The following EIF3H variants were observed in gnomAD, a reference collection of about 807,000 sequenced individuals.
EIF3H encodes eukaryotic translation initiation factor 3 subunit H, also known as eIF-3-gamma.
A neutral mutation model predicts 44.2 loss-of-function variants in EIF3H; 26 were observed. The ratio of observed to expected loss-of-function variants is 0.59; its 90% confidence interval spans 0.43 to 0.82. The LOEUF (loss-of-function observed/expected upper bound fraction) is 0.82. EIF3H is among the 40% of genes least tolerant of loss of function. The pLI is 0.00. For missense variants in EIF3H, 359 were observed against 432.8 expected, an observed-to-expected ratio of 0.83 and a Z score of 1.51; for synonymous variants, 166 against 151.9, an observed-to-expected ratio of 1.09 and a Z score of -0.68.
intron 2 of EIF3H, among the ~76,000 whole-genome samples, chr8:116,667,861 G>A (rs1415500991): frequency 6.6e-6 from 1 of 152,086 alleles, no homozygotes; most frequent in Non-Finnish European, 1.5e-5. Context: ...GTCTCTCTAG[G>A]CCTTAATTTC....
intron 1 of EIF3H, among the ~76,000 whole-genome samples, chr8:116,750,235 T>C (rs1335790401): frequency 1.3e-5 from 2 of 152,282 alleles, no homozygotes; most frequent in African/African-American, 4.8e-5. Context: ...AGTTAAACTA[T>C]ATGGAGAATT....
intron 2 of EIF3H, among the ~76,000 whole-genome samples, chr8:116,674,929 T>C (rs1040566419): frequency 6.6e-6 from 1 of 152,208 alleles, no homozygotes; most frequent in Non-Finnish European, 1.5e-5. Context: ...TCTCTGCTAC[T>C]ACAGTGAGAC....
chr8:116,745,749 G>A (rs1041103387), intron 1 of EIF3H, among the ~76,000 whole-genome samples: 3 of 152,052 alleles, frequency 2.0e-5, no homozygotes, highest in Non-Finnish European at 4.4e-5. Context: ...TGGCCAACAT[G>A]GCAACACCCC....
At chr8:116,743,800 ACACAC>A (rs1339729373) in intron 1 of EIF3H, among the ~76,000 whole-genome samples, 10,622 of 40,978 alleles carry the variant, frequency 0.26, 533 homozygotes, top group African/African-American at 0.31. Context: ...ATATATATAA[ACACAC>A]ACACACACAC....
chr8:116,753,896 T>C (rs1207934636), intron 1 of EIF3H, among the ~76,000 whole-genome samples: 1 of 152,248 alleles, frequency 6.6e-6, no homozygotes, highest in East Asian at 1.9e-4. Flanking sequence ...CAAAGAGTGC[T>C]GTTGTGACAT....
At position 116,666,753 on chromosome 8, in the gene EIF3H, CAAAAAA is replaced by C. The variant is rs56700266; in HGVS notation, c.290-7779_290-7774del. 2.8e-4 allele frequency among the ~76,000 whole-genome samples: 20 copies of C among 71,446 alleles called. No homozygotes were observed. In the South Asian group the frequency reaches 6.3e-3, roughly 23 times the overall value. 46.9% of individuals were successfully genotyped at this position (71,446 alleles called of 152,430 possible). ...CCAAATGAGAATCTTTAGTGTTAGG[CAAAAAA>C]AAAAAAAAAAAAAAAAATTACACTA... On this transcript the variant is annotated intron_variant, in intron 2 of 7. Transcript: ENST00000521861.
chr8:116,751,117 C>T (rs2130987913), intron 1 of EIF3H, among the ~76,000 whole-genome samples: 1 of 151,686 alleles, frequency 6.6e-6, no homozygotes, highest in Non-Finnish European at 1.5e-5. Context: ...GAGGCTGAGG[C>T]AGGAGAATGG....
chr8:116,653,735 AC>A (rs969161365), intron 5 of EIF3H, among the ~76,000 whole-genome samples: 1 of 152,212 alleles, frequency 6.6e-6, no homozygotes, highest in African/African-American at 2.4e-5. Flanking sequence ...CCTGTGATAC[AC>A]ATTTTTAAAA....
At chr8:116,709,901 T>A (rs192397661) in intron 2 of EIF3H, among the ~76,000 whole-genome samples, 4 of 152,322 alleles carry the variant, frequency 2.6e-5, no homozygotes, top group Admixed American at 2.0e-4. Flanking sequence ...CAGCCATAGG[T>A]ACCAGGACAT....
At position 116,643,586 on chromosome 8, in the gene EIF3H, G is replaced by C. The variant is rs1239309865; in HGVS notation, c.*1420C>G. 1 of 152,120 alleles carries C rather than the reference G, an allele frequency of 6.6e-6. No individual in the cohort carries two copies. The highest frequency in any genetic ancestry group is 1.5e-5 in the Non-Finnish European group (1 of 68,040). 9.4% of individuals were successfully genotyped at this position (152,120 alleles called of 1,614,324 possible). A position where few individuals can be genotyped will look rare whatever the true frequency, so the allele number is the denominator to read the frequency against. Reference sequence around the variant, plus strand: ...CCAACAAACGTCTTCAACACTCACAGCCACCTTGTGAGGTAACAGACCTGC... The same window carrying C: ...CCAACAAACGTCTTCAACACTCACACCCACCTTGTGAGGTAACAGACCTGC... On this transcript the variant is annotated 3_prime_UTR_variant, in exon 8 of 8. Transcript: ENST00000521861.
At chr8:116,695,366 C>T (rs1814252855) in intron 2 of EIF3H, among the ~76,000 whole-genome samples, 1 of 152,158 alleles carries the variant, frequency 6.6e-6, no homozygotes, top group Admixed American at 6.5e-5. Context: ...AGCCACCACG[C>T]CCACTGCTCC....
At position 116,711,701 on chromosome 8, in the gene EIF3H, A is replaced by T. The variant is rs535891867; in HGVS notation, c.289+14315T>A. Among the ~76,000 whole-genome samples, 3 of 152,370 alleles carry T rather than the reference A, an allele frequency of 2.0e-5. No individual in the cohort carries two copies. The East Asian group carries it at 5.8e-4, about 29-fold the overall frequency. On this transcript the variant is annotated intron_variant, in intron 2 of 7. Transcript: ENST00000521861. ...CAAACTTGGAGATACACAGTTACGTAAATATGTGTTTATAACCCCAATACA... is the reference window on the plus strand; with the variant it reads ...CAAACTTGGAGATACACAGTTACGTTAATATGTGTTTATAACCCCAATACA...
intron 1 of EIF3H, among the ~76,000 whole-genome samples, chr8:116,741,275 A>G (rs1052597376): frequency 2.0e-5 from 3 of 152,106 alleles, no homozygotes; most frequent in Non-Finnish European, 4.4e-5. Context: ...TTTCAGCCTA[A>G]TAAGAGGTGA....
intron 2 of EIF3H, among the ~76,000 whole-genome samples, chr8:116,693,465 G>C (rs1210670837): frequency 2.6e-5 from 4 of 152,180 alleles, no homozygotes; most frequent in Admixed American, 6.5e-5. Context: ...GAAGTTAAAT[G>C]TTGAACTGGG....
chr8:116,728,493 G>A (rs1436700308), intron 1 of EIF3H, among the ~76,000 whole-genome samples: 1 of 151,968 alleles, frequency 6.6e-6, no homozygotes, highest in African/African-American at 2.4e-5. Flanking sequence ...AAAATAACCA[G>A]GTAGTAATAG....
intron 5 of EIF3H, 71 bp from the exon 6 acceptor site, chr8:116,648,997 T>G (rs994504168): frequency 7.3e-7 from 1 of 1,377,364 alleles, no homozygotes; most frequent in East Asian, 2.6e-5. Flanking sequence ...CTAAACAGTT[T>G]TAAGATATGA....
intron 3 of EIF3H, 31 bp downstream of exon 3, chr8:116,658,782 G>A (rs1428526708): frequency 1.3e-6 from 2 of 1,597,030 alleles, no homozygotes; most frequent in Admixed American, 3.6e-5. Context: ...ATAATATTAA[G>A]GGAAAAAAGA....
At chr8:116,750,978 C>T (rs187668029) in intron 1 of EIF3H, among the ~76,000 whole-genome samples, 1,877 of 151,188 alleles carry the variant, frequency 0.012, 12 homozygotes, top group Non-Finnish European at 0.02. Flanking sequence ...TTTGGGAGGC[C>T]GAGGCGGGCG....
intron 2 of EIF3H, among the ~76,000 whole-genome samples, chr8:116,710,212 G>A (rs1256286387): frequency 6.6e-6 from 1 of 152,202 alleles, no homozygotes; most frequent in East Asian, 1.9e-4. Context: ...GTCTGTTTAA[G>A]TCATCTGCAA....
Sources: allele counts gnomAD v4.1 joint callset (sites outside exome capture counted in the v4.1 genomes callset), GRCh38; gene constraint gnomAD v4.1.1; transcripts MANE v1.5; gene names NCBI Gene and HGNC (gene_info 2026-07-23, HGNC 2026-07-21).